Variants in CFAP61 observed in about 807,000 individuals in gnomAD.
CFAP61 encodes cilia- and flagella-associated protein 61.
CFAP61 carries 107 observed loss-of-function variants against 135.6 expected under a neutral mutation model. The ratio of observed to expected loss-of-function variants is 0.79; its 90% CI spans 0.67 to 0.93. CFAP61 has a LOEUF of 0.93. Among genes scored for constraint, CFAP61 ranks in the 40% least tolerant of loss-of-function variants. CFAP61 has a pLI of 0.00. For missense variants in CFAP61, 1,507 were observed against 1,556.2 expected, an observed-to-expected ratio of 0.97 and a Z score of 0.53; for synonymous variants, 575 against 578.5, an observed-to-expected ratio of 0.99 and a Z score of 0.09.
At chr20:20,233,197 A>G (rs1470287088) in intron 18 of CFAP61, among the ~76,000 whole-genome samples, 1 of 152,144 alleles carries the variant, frequency 6.6e-6, no homozygotes, top group Non-Finnish European at 1.5e-5. Flanking sequence ...CTGGCGGCTT[A>G]ATTAGGCTTT....
intron 9 of CFAP61, among the ~76,000 whole-genome samples, chr20:20,150,818 A>G (rs528002773): frequency 5.3e-5 from 8 of 152,298 alleles, no homozygotes; most frequent in Admixed American, 1.3e-4. Context: ...AATCACTGCA[A>G]TTTGGCTCTC....
At chr20:20,167,672 G>T (rs1414719256) in intron 12 of CFAP61, among the ~76,000 whole-genome samples, 1 of 152,138 alleles carries the variant, frequency 6.6e-6, no homozygotes, top group Non-Finnish European at 1.5e-5. Flanking sequence ...TTGGCACCCA[G>T]TCCTTATTTT....
At chr20:20,054,657 A>G (rs996072807) in intron 1 of CFAP61, among the ~76,000 whole-genome samples, 12 of 152,214 alleles carry the variant, frequency 7.9e-5, no homozygotes, top group African/African-American at 2.7e-4. Context: ...CATGTGGCTC[A>G]TAAAGCTTAA....
At chr20:20,176,821 A>G (rs1397753058) in intron 13 of CFAP61, among the ~76,000 whole-genome samples, 1 of 152,216 alleles carries the variant, frequency 6.6e-6, no homozygotes, top group Non-Finnish European at 1.5e-5. Context: ...ACCGTGGCAC[A>G]CTATGTAACG....
At chr20:20,135,821 G>A (rs6046644) in intron 8 of CFAP61, among the ~76,000 whole-genome samples, 137,289 of 152,244 alleles carry the variant, frequency 0.9, 62,713 homozygotes, top group Middle Eastern at 0.99. Context: ...TGTATTTACT[G>A]TTACCAATGA....
At chr20:20,223,213 G>T (rs113500444) in intron 17 of CFAP61, among the ~76,000 whole-genome samples, 5 of 152,162 alleles carry the variant, frequency 3.3e-5, no homozygotes, top group Non-Finnish European at 7.4e-5. Context: ...CAAAGTATTT[G>T]CAGACATTTT....
intron 7 of CFAP61, among the ~76,000 whole-genome samples, chr20:20,093,355 T>A (rs1366287853): frequency 6.6e-6 from 1 of 151,950 alleles, no homozygotes; most frequent in East Asian, 1.9e-4. Context: ...GGTGGGGGGA[T>A]GAAAATGTTC....
chr20:20,358,176 G>A (rs1314836588), intron 26 of CFAP61, among the ~76,000 whole-genome samples: 1 of 142,694 alleles, frequency 7.0e-6, no homozygotes, highest in South Asian at 2.2e-4. Context: ...GTCACACTGA[G>A]GGGAAGTGGT....
At chr20:20,228,195 G>T in intron 17 of CFAP61, 54 bp from the exon 18 acceptor site, 1 of 1,555,556 alleles carries the variant, frequency 6.4e-7, no homozygotes, top group South Asian at 1.2e-5. Flanking sequence ...TTGAGGGTAT[G>T]AACACTGCTA....
intron 8 of CFAP61, among the ~76,000 whole-genome samples, chr20:20,110,686 C>T (rs941996974): frequency 4.6e-5 from 7 of 152,114 alleles, no homozygotes; most frequent in African/African-American, 9.7e-5. Flanking sequence ...ACTATAACCA[C>T]GGTCATGGCT....
At chr20:20,162,122 CCT>C (rs1445715383) in intron 10 of CFAP61, among the ~76,000 whole-genome samples, 7 of 152,080 alleles carry the variant, frequency 4.6e-5, no homozygotes, top group African/African-American at 1.7e-4. Context: ...CATTCCATGC[CCT>C]GTGTCCCCTT....
chr20:20,106,029 T>C lies in CFAP61; in HGVS notation c.859+7215T>C, dbSNP rs1286000252. Among the ~76,000 whole-genome samples, 32 of 66,804 alleles carry C rather than the reference T, an allele frequency of 4.8e-4. 3 individuals are homozygous for C. Among genetic ancestry groups the C allele is most frequent in the South Asian group, 2.9e-3 (5 of 1,728 alleles). 43.8% of individuals were successfully genotyped at this position (66,804 alleles called of 152,430 possible). On this transcript the variant is annotated intron_variant, in intron 8 of 26. Coordinates refer to ENST00000245957, the MANE Select transcript of CFAP61 (RefSeq NM_015585.4). ...ATATATATATATATATATATATATA[T>C]ATATATATATATATATATATAAAAT...
chr20:20,169,983 A>T (rs2054109073), intron 13 of CFAP61, among the ~76,000 whole-genome samples: 1 of 152,252 alleles, frequency 6.6e-6, no homozygotes. Flanking sequence ...TACAGTGCTA[A>T]GTTCTGTGCC....
chr20:20,190,551 T>C (rs2055847019), intron 14 of CFAP61, among the ~76,000 whole-genome samples: 1 of 152,044 alleles, frequency 6.6e-6, no homozygotes, highest in African/African-American at 2.4e-5. Flanking sequence ...CATAAACCTA[T>C]AGAGGTGATG....
intron 21 of CFAP61, among the ~76,000 whole-genome samples, chr20:20,269,111 C>T (rs2053055387): frequency 8.2e-6 from 1 of 122,152 alleles, no homozygotes; most frequent in Non-Finnish European, 1.7e-5. Context: ...TGGTTCTATT[C>T]GTGGGCTATA....
At chr20:20,120,900 T>A (rs1411034546) in intron 8 of CFAP61, among the ~76,000 whole-genome samples, 1 of 152,180 alleles carries the variant, frequency 6.6e-6, no homozygotes, top group African/African-American at 2.4e-5. Context: ...TTTGTCTTTT[T>A]TAGAAGTCTT....
intron 15 of CFAP61, among the ~76,000 whole-genome samples, chr20:20,194,499 A>G (rs896653614): frequency 1.3e-5 from 2 of 152,164 alleles, no homozygotes; most frequent in African/African-American, 4.8e-5. Context: ...TTTCCTTAAT[A>G]ATTTGTCTTC....
intron 18 of CFAP61, among the ~76,000 whole-genome samples, chr20:20,237,824 A>C (rs897424349): frequency 1.3e-5 from 2 of 152,182 alleles, no homozygotes; most frequent in African/African-American, 4.8e-5. Flanking sequence ...AATCTCTTTA[A>C]TACTTAACAG....
intron 9 of CFAP61, among the ~76,000 whole-genome samples, chr20:20,147,134 A>G (rs974215128): frequency 2.6e-5 from 4 of 152,100 alleles, no homozygotes; most frequent in Non-Finnish European, 5.9e-5. Flanking sequence ...TATTTTCTTT[A>G]TCTACTTATT....
Sources: allele counts gnomAD v4.1 joint callset (sites outside exome capture counted in the v4.1 genomes callset), GRCh38; gene constraint gnomAD v4.1.1; transcripts MANE v1.5; gene names NCBI Gene and HGNC (gene_info 2026-07-23, HGNC 2026-07-21).